Variants in CALM3 observed in about 807,000 individuals in gnomAD.
The protein encoded by CALM3 is calmodulin-3.
Under a neutral mutation model 20.1 loss-of-function variants are expected in CALM3, and 5 were observed. The ratio of observed to expected loss-of-function variants is 0.25; its 90% CI spans 0.13 to 0.52. CALM3 has a LOEUF of 0.52. Ranked by LOEUF, CALM3 falls within the 20% of genes least tolerant of loss-of-function variation. The pLI, the probability that CALM3 is intolerant of heterozygous loss-of-function variation, is 0.96. For missense variants in CALM3, 57 were observed against 192.8 expected, an observed-to-expected ratio of 0.30 and a Z score of 4.17; for synonymous variants, 69 against 68.1, an observed-to-expected ratio of 1.01 and a Z score of -0.06.
intron 5 of CALM3, 43 bp downstream of exon 5, chr19:46,609,024 C>T (rs182901112): frequency 3.9e-5 from 63 of 1,607,464 alleles, no homozygotes; most frequent in Middle Eastern, 1.7e-4. Context: ...AGAAGAGAAT[C>T]GCAGCTTCAG....
At position 46,601,419 on chromosome 19, in the gene CALM3, C is replaced by T; in HGVS notation, c.-16C>T. On this transcript the variant is annotated 5_prime_UTR_variant, in exon 1 of 6. Coordinates refer to ENST00000291295, the MANE Select transcript of CALM3 (RefSeq NM_005184.4). The surrounding 1 kb of genome is among the most constrained non-coding windows in gnomAD (Gnocchi z 4.2). ...GGAACCTTGATCCCCGTGCTCCGGA[C>T]ACCCCGGGCCTCGCCATGGTGAGTG... 6 of 1,504,474 alleles carry T rather than the reference C, an allele frequency of 4.0e-6. No individual in the cohort carries two copies. The highest frequency in any genetic ancestry group is 5.3e-6 in the Non-Finnish European group (6 of 1,128,618). 93.2% of individuals were successfully genotyped at this position (1,504,474 alleles called of 1,614,324 possible).
chr19:46,602,172 G>T, intron 1 of CALM3: 1 of 1,351,688 alleles, frequency 7.4e-7, no homozygotes, highest in Non-Finnish European at 9.9e-7. Context: ...CTTCCGGGAC[G>T]GAGAAGGATC....
At chr19:46,602,846 C>T (rs1008031683) in intron 1 of CALM3, among the ~76,000 whole-genome samples, 4 of 152,170 alleles carry the variant, frequency 2.6e-5, no homozygotes, top group Admixed American at 6.5e-5. Flanking sequence ...CACCATGCTG[C>T]ACCTCGTCAC....
Position 46,609,968 on chromosome 19 carries a change from T to G in CALM3, c.*815T>G, listed in dbSNP as rs982998463. The G allele has an allele frequency of 2.0e-5, 3 of 152,738 alleles. No individual in the cohort carries two copies. Among genetic ancestry groups the G allele is most frequent in the Non-Finnish European group, 4.4e-5 (3 of 68,134 alleles). The allele number at this position is 152,738 out of a possible 1,614,324, so 9.5% of individuals were successfully genotyped here. A position where few individuals can be genotyped will look rare whatever the true frequency, so the allele number is the denominator to read the frequency against. ...ATCCCATGCCGCTCCCTCCTCACGATGCACCCACCGCCCTGAGGGCCCGTC... is the reference window on the plus strand; with the variant it reads ...ATCCCATGCCGCTCCCTCCTCACGAGGCACCCACCGCCCTGAGGGCCCGTC... On this transcript the variant is annotated 3_prime_UTR_variant, in exon 6 of 6. Transcript: ENST00000291295.
rs148364198 is a variant in CALM3 at position 46,609,477 on chromosome 19, T to C, written c.*324T>C. On this transcript the variant is annotated 3_prime_UTR_variant, in exon 6 of 6. Coordinates refer to ENST00000291295, the MANE Select transcript of CALM3 (RefSeq NM_005184.4). Reference sequence around the variant, plus strand: ...TCTGCCCTCCTCCAGCCCGGATGGCTCTCCTCCATTTTGGTTTGTTTCCTC... The same window carrying C: ...TCTGCCCTCCTCCAGCCCGGATGGCCCTCCTCCATTTTGGTTTGTTTCCTC... 117 of 424,104 alleles carry C rather than the reference T, an allele frequency of 2.8e-4. No homozygotes were observed. The East Asian group carries it at 4.8e-3, about 18-fold the overall frequency. 26.3% of individuals were successfully genotyped at this position (424,104 alleles called of 1,614,324 possible). A position where few individuals can be genotyped will look rare whatever the true frequency, so the allele number is the denominator to read the frequency against.
In CALM3 at chr19:46,605,968, C is replaced by T; in HGVS notation, c.34+111C>T. 1.1e-6 allele frequency: 1 copy of T among 935,432 alleles called. No individual in the cohort carries two copies. Among genetic ancestry groups the T allele is most frequent in the Non-Finnish European group, 1.7e-6 (1 of 574,588 alleles). The allele number at this position is 935,432 out of a possible 1,614,324, so 57.9% of individuals were successfully genotyped here. A position where few individuals can be genotyped will look rare whatever the true frequency, so the allele number is the denominator to read the frequency against. On this transcript the variant is annotated intron_variant, in intron 2 of 5. Transcript: ENST00000291295. The surrounding 1 kb of genome is among the most constrained non-coding windows in gnomAD (Gnocchi z 4.1). ...GGGTGAACCTGTGTATCCCTTGTGT[C>T]ACCTAACACTATGCCTTGTGCCTAG...
At chr19:46,603,368 A>C (rs1335112049) in intron 1 of CALM3, among the ~76,000 whole-genome samples, 2 of 152,214 alleles carry the variant, frequency 1.3e-5, no homozygotes, top group East Asian at 3.9e-4. Flanking sequence ...GAGGTGGGAC[A>C]AGTCACTGGT....
chr19:46,608,095 C>T lies in CALM3; in HGVS notation c.35-102C>T. ...TCTGTCTCAGTTTCTTTAGGTGGGA[C>T]TGATGCCCTTGGCCTTCCTCCAGGG... On this transcript the variant is annotated intron_variant, in intron 2 of 5. Coordinates refer to ENST00000291295, the MANE Select transcript of CALM3 (RefSeq NM_005184.4). This position sits in a 1 kb window ranked among gnomAD's most constrained non-coding sequence, Gnocchi z 5.5. The T allele has an allele frequency of 8.9e-7, 1 of 1,117,342 alleles. No homozygotes were observed. The highest frequency in any genetic ancestry group is 1.3e-6 in the Non-Finnish European group (1 of 770,506). 69.2% of individuals were successfully genotyped at this position (1,117,342 alleles called of 1,614,324 possible). A position where few individuals can be genotyped will look rare whatever the true frequency, so the allele number is the denominator to read the frequency against.
Position 46,601,426 on chromosome 19 carries a change from G to A in CALM3, c.-9G>A, listed in dbSNP as rs1971612934. On this transcript the variant is annotated 5_prime_UTR_variant, in exon 1 of 6. Transcript: ENST00000291295. This position sits in a 1 kb window ranked among gnomAD's most constrained non-coding sequence, Gnocchi z 4.2. ...TGATCCCCGTGCTCCGGACACCCCG[G>A]GCCTCGCCATGGTGAGTGAGGCTGG... 1 of 1,503,836 alleles carries A rather than the reference G, an allele frequency of 6.6e-7. No homozygotes were observed. Among genetic ancestry groups the A allele is most frequent in the African/African-American group, 1.4e-5 (1 of 69,468 alleles). 93.2% of individuals were successfully genotyped at this position (1,503,836 alleles called of 1,614,324 possible).
intron 5 of CALM3, 38 bp from the exon 6 acceptor site, chr19:46,609,087 G>A (rs138439676): frequency 1.2e-6 from 2 of 1,613,886 alleles, no homozygotes; most frequent in Admixed American, 3.3e-5. Context: ...CACTTAGCCT[G>A]CCCGCCTGAC....
rs1235499015 is a variant in CALM3 at position 46,608,654 on chromosome 19, G to A, written c.285+66G>A. ...AGCCTTCAGGCAGACAGGCGGAACT[G>A]GAGCCACGGAGCTACCACTTCCAGG... On this transcript the variant is annotated intron_variant, in intron 4 of 5. Transcript: ENST00000291295. The surrounding 1 kb of genome is among the most constrained non-coding windows in gnomAD (Gnocchi z 5.5). 7 of 1,390,038 alleles carry A rather than the reference G, an allele frequency of 5.0e-6. No homozygotes were observed. The East Asian group carries it at 1.4e-4, about 28-fold the overall frequency. 86.1% of individuals were successfully genotyped at this position (1,390,038 alleles called of 1,614,324 possible).
At chr19:46,601,298 A>AGGCGGCGGC (rs948097451), upstream of CALM3, 237 of 723,478 alleles carry the variant, frequency 3.3e-4, 2 homozygotes, top group South Asian at 1.5e-3. This position sits in a 1 kb window ranked among gnomAD's most constrained non-coding sequence, Gnocchi z 4.2. Flanking sequence ...TTGGGGCGGG[A>AGGCGGCGGC]GGCGGCGGCG....
chr19:46,606,061 AG>A (rs769659778), intron 2 of CALM3: 1 of 555,118 alleles, frequency 1.8e-6, no homozygotes, highest in South Asian at 2.0e-5. Flanking sequence ...GCCCTGAGAC[AG>A]GCCTTTACCA....
chr19:46,609,537 T>C lies in CALM3; in HGVS notation c.*384T>C. The C allele has an allele frequency of 3.9e-6, 1 of 256,440 alleles. No homozygotes were observed. The highest frequency in any genetic ancestry group is 4.7e-4 in the Middle Eastern group (1 of 2,142). The allele number at this position is 256,440 out of a possible 1,614,324, so 15.9% of individuals were successfully genotyped here. The stretch of plus-strand genomic sequence containing the variant: ...ATCTTATTTTGGGTGCTGGGGTGGC[T>C]GCCAGCCCTGTCCCGGGACCTGCTG... On this transcript the variant is annotated 3_prime_UTR_variant, in exon 6 of 6. Transcript: ENST00000291295.
chr19:46,604,499 C>T (rs1971699213), intron 1 of CALM3, among the ~76,000 whole-genome samples: 1 of 151,956 alleles, frequency 6.6e-6, no homozygotes, highest in African/African-American at 2.4e-5. Flanking sequence ...ATTTTGATTA[C>T]CCCTCCCATT....
intron 1 of CALM3, among the ~76,000 whole-genome samples, chr19:46,604,169 C>T (rs1334135862): frequency 2.0e-5 from 3 of 152,158 alleles, no homozygotes; most frequent in Admixed American, 1.3e-4. Flanking sequence ...TGCCTGGTCT[C>T]GGTAACCAGA....
chr19:46,604,632 T>C (rs1971704573), intron 1 of CALM3, among the ~76,000 whole-genome samples: 2 of 151,094 alleles, frequency 1.3e-5, no homozygotes, highest in Non-Finnish European at 2.9e-5. Context: ...CAGGCAGTGG[T>C]TTGTTCCTAG....
Position 46,601,496 on chromosome 19 carries a change from G to A in CALM3, c.3+59G>A. 7.2e-7 allele frequency: 1 copy of A among 1,380,920 alleles called. No homozygotes were observed. The highest frequency in any genetic ancestry group is 9.4e-7 in the Non-Finnish European group (1 of 1,058,416). The allele number at this position is 1,380,920 out of a possible 1,614,324, so 85.5% of individuals were successfully genotyped here. A position where few individuals can be genotyped will look rare whatever the true frequency, so the allele number is the denominator to read the frequency against. The stretch of plus-strand genomic sequence containing the variant: ...GCTCTGAGGCGGGCTTAACGGGGCA[G>A]GACCCCTGAGGGGGCGACAGAGCCC... On this transcript the variant is annotated intron_variant, in intron 1 of 5. Coordinates refer to ENST00000291295, the MANE Select transcript of CALM3 (RefSeq NM_005184.4). This position sits in a 1 kb window ranked among gnomAD's most constrained non-coding sequence, Gnocchi z 4.2.
In CALM3 at chr19:46,601,368, C is replaced by G. The variant is rs1050596487; in HGVS notation, c.-67C>G. 2.9e-5 allele frequency: 43 copies of G among 1,482,902 alleles called. 1 individual carries two copies. Among genetic ancestry groups the G allele is most frequent in the Admixed American group, 2.8e-4 (13 of 46,866 alleles). The allele number at this position is 1,482,902 out of a possible 1,614,324, so 91.9% of individuals were successfully genotyped here. ...GCGCGGACGCGCGGCGGAGCTGGAACTGCTGCAGCTGCTGCCGCCGCCGGA... is the reference window on the plus strand; with the variant it reads ...GCGCGGACGCGCGGCGGAGCTGGAAGTGCTGCAGCTGCTGCCGCCGCCGGA... On this transcript the variant is annotated 5_prime_UTR_variant, in exon 1 of 6. Transcript: ENST00000291295. This position sits in a 1 kb window ranked among gnomAD's most constrained non-coding sequence, Gnocchi z 4.2.
Sources: gnomAD v4.1 joint callset for allele counts (sites outside exome capture counted in the v4.1 genomes callset) on GRCh38, gnomAD v4.1.1 for gene constraint, Gnocchi (gnomAD v3.1) non-coding constraint, MANE v1.5 for transcripts, NCBI Gene and HGNC (gene_info 2026-07-23, HGNC 2026-07-21) for gene names.